The following ITGBL1 variants were observed in gnomAD, a reference collection of about 807,000 sequenced individuals.
ITGBL1 encodes integrin subunit beta like 1.
ITGBL1 carries 51 observed loss-of-function variants against 68.5 expected under a neutral mutation model. The observed-to-expected ratio is 0.74, with a 90% CI of 0.59 to 0.94. ITGBL1 has a LOEUF of 0.94. ITGBL1 is among the 40% of genes least tolerant of loss of function. The probability of loss-of-function intolerance (pLI) is 0.00; values close to 1 mark genes in which losing one functional copy is unlikely to be tolerated. For missense variants in ITGBL1, 649 were observed against 647.4 expected (o/e 1.00, Z -0.03); for synonymous variants, 209 against 227.3 (o/e 0.92, Z 0.72).
At chr13:101,473,282 C>A (rs2048488153) in intron 2 of ITGBL1, among the ~76,000 whole-genome samples, 2 of 152,172 alleles carry the variant, frequency 1.3e-5, no homozygotes, top group African/African-American at 4.8e-5. Context: ...TGAATCACCA[C>A]ACCATGCCTA....
At chr13:101,571,198 T>C (rs1044350311) in intron 3 of ITGBL1, among the ~76,000 whole-genome samples, 2 of 152,116 alleles carry the variant, frequency 1.3e-5, no homozygotes, top group African/African-American at 2.4e-5. Flanking sequence ...TATTTACTTA[T>C]TTGCTCAATC....
rs565207991 is a variant in ITGBL1, at chr13:101,692,755, C to T, written c.1132+54C>T. Reference sequence around the variant, plus strand: ...ACCTGCATGCAACTTGCTTTACCTGCCTTTGTTATTCTACTGACTCTTGCT... The same window carrying T: ...ACCTGCATGCAACTTGCTTTACCTGTCTTTGTTATTCTACTGACTCTTGCT... On this transcript the variant is annotated intron_variant, in intron 8 of 10. Transcript: ENST00000376180. 3 of 1,092,718 alleles carry T rather than the reference C, an allele frequency of 2.7e-6. No individual in the cohort carries two copies. In the African/African-American group the frequency reaches 4.6e-5, roughly 17 times the overall value. The allele number at this position is 1,092,718 out of a possible 1,614,324, so 67.7% of individuals were successfully genotyped here. A position where few individuals can be genotyped will look rare whatever the true frequency, so the allele number is the denominator to read the frequency against.
chr13:101,521,571 C>T (rs771565183), intron 2 of ITGBL1, among the ~76,000 whole-genome samples: 6 of 152,024 alleles, frequency 3.9e-5, no homozygotes, highest in South Asian at 4.2e-4. Context: ...GAGGAGATGA[C>T]GTCAGAGGAG....
rs776120911 is a variant in ITGBL1 at position 101,567,704 on chromosome 13, G to C, written c.322G>C (p.Gly108Arg). 15 of 1,612,732 alleles carry C rather than the reference G, an allele frequency of 9.3e-6. 1 individual carries two copies. The South Asian group carries it at 1.6e-4, about 18-fold the overall frequency. The change falls in exon 3 of 11, where the codon GGT (glycine) becomes CGT (arginine). Residue 108 changes from glycine (G) to arginine (R), a missense_variant. Coordinates refer to ENST00000376180, the MANE Select transcript of ITGBL1 (RefSeq NM_004791.3). ...TYDGSTCAGHGKCDCGKCKCD... is the reference protein window; with the variant it reads ...TYDGSTCAGHRKCDCGKCKCD... ...AGATGTTGTTCAATCCCCAGGCCAT[G>C]GTAAGTGTGACTGTGGCAAGTGCAA...
intron 7 of ITGBL1, among the ~76,000 whole-genome samples, chr13:101,614,604 C>G (rs2031274955): frequency 6.6e-6 from 1 of 152,164 alleles, no homozygotes; most frequent in African/African-American, 2.4e-5. Context: ...CCTGCTTGGT[C>G]CGCTGCTAAG....
chr13:101,551,149 CAAAG>C (rs749391792), intron 2 of ITGBL1, among the ~76,000 whole-genome samples: 13 of 151,784 alleles, frequency 8.6e-5, no homozygotes, highest in Non-Finnish European at 1.5e-4. Flanking sequence ...TGTCAAAAGA[CAAAG>C]AAGCAACAAA....
intron 6 of ITGBL1, among the ~76,000 whole-genome samples, chr13:101,594,853 CA>C (rs1284163737): frequency 6.6e-6 from 1 of 152,094 alleles, no homozygotes; most frequent in East Asian, 1.9e-4. Context: ...GTGGGCAAAT[CA>C]GTTGAGGAAA....
chr13:101,455,148 C>T (rs531227575), intron 2 of ITGBL1, among the ~76,000 whole-genome samples: 1 of 152,286 alleles, frequency 6.6e-6, no homozygotes, highest in East Asian at 1.9e-4. Flanking sequence ...TTATTTTACC[C>T]TCAATGTAGC....
At chr13:101,672,305 A>G (rs1415033288) in intron 7 of ITGBL1, among the ~76,000 whole-genome samples, 2 of 152,218 alleles carry the variant, frequency 1.3e-5, no homozygotes, top group Non-Finnish European at 2.9e-5. Context: ...AGGAGTTAAG[A>G]AGAAATTACT....
At chr13:101,484,304 A>G (rs2048670260) in intron 2 of ITGBL1, among the ~76,000 whole-genome samples, 2 of 152,134 alleles carry the variant, frequency 1.3e-5, no homozygotes, top group Admixed American at 1.3e-4. Flanking sequence ...ACTGAATGAT[A>G]ATGATTTCTG....
intron 2 of ITGBL1, among the ~76,000 whole-genome samples, chr13:101,497,577 G>A (rs2048874863): frequency 6.6e-6 from 1 of 152,230 alleles, no homozygotes; most frequent in African/African-American, 2.4e-5. Context: ...GTGAAAAAGT[G>A]AAGCTGGAAA....
Position 101,462,657 on chromosome 13 carries a change from G to A in ITGBL1, c.316+8557G>A, listed in dbSNP as rs113688805. On this transcript the variant is annotated intron_variant, in intron 2 of 10. Transcript: ENST00000376180. ...GAGTGCAGTGGAGCAATCTCAGCTCGCTGCAACCTCCACCTCCCGGGGTCA... is the reference window on the plus strand; with the variant it reads ...GAGTGCAGTGGAGCAATCTCAGCTCACTGCAACCTCCACCTCCCGGGGTCA... 0.011 allele frequency among the ~76,000 whole-genome samples: 1,625 copies of A among 152,090 alleles called. 46 individuals carry two copies. The East Asian group carries it at 0.11, about 11-fold the overall frequency.
intron 7 of ITGBL1, among the ~76,000 whole-genome samples, chr13:101,634,585 G>T (rs2032103569): frequency 6.6e-6 from 1 of 152,098 alleles, no homozygotes; most frequent in Non-Finnish European, 1.5e-5. Flanking sequence ...CTAGTCATTT[G>T]GGACTAGCTT....
Position 101,555,564 on chromosome 13 carries a change from A to G in ITGBL1, c.317-12135A>G, listed in dbSNP as rs186499036. 1.4e-3 allele frequency among the ~76,000 whole-genome samples: 211 copies of G among 152,284 alleles called. 2 individuals are homozygous for G. In the East Asian group the frequency reaches 0.03, roughly 21 times the overall value. On this transcript the variant is annotated intron_variant, in intron 2 of 10. Transcript: ENST00000376180. The stretch of plus-strand genomic sequence containing the variant: ...GTCAAGGTATAATATGGATATGGGA[A>G]GGGGTGGCGTTTAGGAATCTTAAAA...
intron 5 of ITGBL1, among the ~76,000 whole-genome samples, chr13:101,580,576 C>T (rs898551511): frequency 1.3e-5 from 2 of 152,154 alleles, no homozygotes; most frequent in African/African-American, 4.8e-5. Context: ...TCTCCTAATG[C>T]TTCCCCTCCC....
chr13:101,533,772 C>G (rs79997012), intron 2 of ITGBL1, among the ~76,000 whole-genome samples: 1 of 141,306 alleles, frequency 7.1e-6, no homozygotes, highest in Non-Finnish European at 1.6e-5. Flanking sequence ...CTAAGCATCT[C>G]TTGGCTAAGG....
rs577433489 is a variant in ITGBL1, at chr13:101,669,736, T to C, written c.1016-22849T>C. On this transcript the variant is annotated intron_variant, in intron 7 of 10. Transcript: ENST00000376180. ...TCTTTTGCCCAATTTACAGTTTTCA[T>C]TTATTTTTTCCCAATTCCAGATTAA... Among the ~76,000 whole-genome samples the C allele has an allele frequency of 9.2e-5, 14 of 152,326 alleles. 1 individual carries two copies. The South Asian group carries it at 2.9e-3, about 32-fold the overall frequency.
At chr13:101,535,308 C>A (rs1285236682) in intron 2 of ITGBL1, among the ~76,000 whole-genome samples, 2 of 151,970 alleles carry the variant, frequency 1.3e-5, no homozygotes, top group African/African-American at 4.8e-5. Flanking sequence ...CTGATGTTAC[C>A]CAGACATTAC....
intron 7 of ITGBL1, among the ~76,000 whole-genome samples, chr13:101,614,369 C>G (rs1594931273): frequency 6.6e-6 from 1 of 152,106 alleles, no homozygotes; most frequent in Non-Finnish European, 1.5e-5. Context: ...GTTCTGTTAC[C>G]ACAACAGTAC....
Sources: allele counts gnomAD v4.1 joint callset (sites outside exome capture counted in the v4.1 genomes callset), GRCh38; gene constraint gnomAD v4.1.1; transcripts MANE v1.5; gene names NCBI Gene and HGNC (gene_info 2026-07-23, HGNC 2026-07-21).